Variants in MYO1B observed in about 807,000 individuals in gnomAD.
MYO1B encodes the protein myosin IB, also known as unconventional myosin-Ib.
In MYO1B, 72 loss-of-function variants were observed where a neutral mutation model predicts 159.7. The observed-to-expected ratio is 0.45, with a 90% CI of 0.37 to 0.55. The LOEUF is 0.55. MYO1B is among the 20% of genes least tolerant of loss of function. The probability of loss-of-function intolerance (pLI) is 0.00; values close to 1 mark genes in which losing one functional copy is unlikely to be tolerated. For synonymous variants in MYO1B, 468 were observed against 473.8 expected (o/e 0.99, Z 0.16); for missense variants, 1,062 against 1,364.8 (o/e 0.78, Z 3.50).
At chr2:191,300,638 C>A (rs1392122742) in intron 3 of MYO1B, among the ~76,000 whole-genome samples, 1 of 3,238 alleles carries the variant, frequency 3.1e-4, no homozygotes, top group Non-Finnish European at 7.5e-4. Context: ...CTGTGCGCAG[C>A]CTTTTTTTTT....
At chr2:191,246,873 G>T (rs1343649337) in intron 1 of MYO1B, among the ~76,000 whole-genome samples, 1 of 152,158 alleles carries the variant, frequency 6.6e-6, no homozygotes, top group Non-Finnish European at 1.5e-5. Flanking sequence ...AGCGTTTGGG[G>T]TTTGAACTGA....
At chr2:191,333,037 A>G (rs1223242936) in intron 4 of MYO1B, among the ~76,000 whole-genome samples, 3 of 152,218 alleles carry the variant, frequency 2.0e-5, no homozygotes, top group Non-Finnish European at 4.4e-5. Context: ...TATTTAAGTA[A>G]TTGACAAAAA....
chr2:191,381,976 C>T (rs4853590), intron 14 of MYO1B, among the ~76,000 whole-genome samples: 124,201 of 152,114 alleles, frequency 0.82, 54,548 homozygotes, highest in Non-Finnish European at 0.98. Flanking sequence ...GTAACAGTTA[C>T]TGAGTCCTTA....
chr2:191,345,843 C>A (rs1405327329), intron 5 of MYO1B, among the ~76,000 whole-genome samples: 1 of 152,134 alleles, frequency 6.6e-6, no homozygotes, highest in Admixed American at 6.6e-5. Flanking sequence ...TTCCATAAAG[C>A]CTTTGATAAT....
At chr2:191,391,314 T>A (rs1695736310) in intron 18 of MYO1B, among the ~76,000 whole-genome samples, 1 of 152,214 alleles carries the variant, frequency 6.6e-6, no homozygotes, top group African/African-American at 2.4e-5. Context: ...TACACATTAT[T>A]CTCACTGCAC....
intron 30 of MYO1B, among the ~76,000 whole-genome samples, chr2:191,416,713 C>G (rs956135005): frequency 2.0e-5 from 3 of 151,892 alleles, no homozygotes; most frequent in Non-Finnish European, 2.9e-5. Flanking sequence ...ACTCAAGAGG[C>G]TGAGGCAGGA....
intron 1 of MYO1B, among the ~76,000 whole-genome samples, chr2:191,260,254 C>CTTTTTGTTTTTTTTTTTT (rs1686719699): frequency 1.6e-5 from 1 of 60,960 alleles, no homozygotes. Flanking sequence ...CCCAGATAGG[C>CTTTTTGTTTTTTTTTTTT]TTTTTTTTTT....
intron 1 of MYO1B, among the ~76,000 whole-genome samples, chr2:191,274,628 C>T (rs1227020694): frequency 6.6e-6 from 1 of 152,188 alleles, no homozygotes; most frequent in Non-Finnish European, 1.5e-5. Flanking sequence ...GTGCTTTTGG[C>T]ATTACATGGA....
intron 13 of MYO1B, 177 bp from the exon 14 acceptor site, chr2:191,381,285 C>T (rs1303668826): frequency 4.4e-6 from 3 of 683,078 alleles, no homozygotes; most frequent in Admixed American, 2.1e-5. Flanking sequence ...TACTCATGAC[C>T]CACTCCTCGA....
chr2:191,310,596 T>C (rs4853584), intron 3 of MYO1B, among the ~76,000 whole-genome samples: 80,572 of 152,126 alleles, frequency 0.53, 22,102 homozygotes, highest in East Asian at 0.65. Flanking sequence ...CCCTGAATGT[T>C]AGGAAAGGGA....
chr2:191,406,832 A>G lies in MYO1B; in HGVS notation c.2557-1283A>G, dbSNP rs566200848. On this transcript the variant is annotated intron_variant, in intron 24 of 30. Coordinates refer to ENST00000392318, the MANE Select transcript of MYO1B (RefSeq NM_001130158.3). ...TAAAAACTCAATGTCTGCAAAGTGC[A>G]TTAAAATGAGGTATGCCTGTAAAAA... 3.9e-5 allele frequency among the ~76,000 whole-genome samples: 6 copies of G among 152,370 alleles called. No individual in the cohort carries two copies. In the South Asian group the frequency reaches 1.2e-3, roughly 32 times the overall value.
chr2:191,369,142 G>A (rs112352601), intron 11 of MYO1B, among the ~76,000 whole-genome samples: 9,515 of 152,094 alleles, frequency 0.063, 1,001 homozygotes, highest in African/African-American at 0.22. Context: ...CACATTACGC[G>A]AGCATTTCCA....
chr2:191,331,065 C>G (rs1691440889), intron 4 of MYO1B, among the ~76,000 whole-genome samples: 1 of 152,212 alleles, frequency 6.6e-6, no homozygotes, highest in Non-Finnish European at 1.5e-5. Flanking sequence ...ACTCTTTACT[C>G]CACTTGCCTT....
chr2:191,295,074 TCTTTC>T (rs1272385027), intron 2 of MYO1B, among the ~76,000 whole-genome samples: 2 of 152,190 alleles, frequency 1.3e-5, no homozygotes, highest in Non-Finnish European at 2.9e-5. Context: ...CTTGTTTCTT[TCTTTC>T]CTTTATGAAC....
At chr2:191,309,165 G>A (rs1176403591) in intron 3 of MYO1B, among the ~76,000 whole-genome samples, 2 of 152,142 alleles carry the variant, frequency 1.3e-5, no homozygotes, top group Admixed American at 6.5e-5. Flanking sequence ...ACCTTAGCAC[G>A]CTTCAAACCA....
At chr2:191,347,496 G>A (rs1227109350) in intron 6 of MYO1B, among the ~76,000 whole-genome samples, 1 of 152,194 alleles carries the variant, frequency 6.6e-6, no homozygotes, top group Non-Finnish European at 1.5e-5. Flanking sequence ...TACACACACA[G>A]TATTTAATAT....
At chr2:191,258,384 G>A (rs758238618) in intron 1 of MYO1B, among the ~76,000 whole-genome samples, 1 of 152,210 alleles carries the variant, frequency 6.6e-6, no homozygotes, top group Non-Finnish European at 1.5e-5. Context: ...AAGACCAGAA[G>A]TTGCTCTGGG....
In MYO1B at chr2:191,408,201, C is replaced by CT. The variant is rs756854726; in HGVS notation, c.2631+15dup. On this transcript the variant is annotated intron_variant, in intron 25 of 30. Coordinates refer to ENST00000392318, the MANE Select transcript of MYO1B (RefSeq NM_001130158.3). ...CGCTTCAGAGAATTGTAAGTTGACA[C>CT]TTTATATCTGTGGATAATCAGCATT... 6.3e-7 allele frequency: 1 copy of CT among 1,593,828 alleles called. No individual in the cohort carries two copies. Among genetic ancestry groups the CT allele is most frequent in the Non-Finnish European group, 8.6e-7 (1 of 1,162,076 alleles).
chr2:191,318,924 G>A (rs1559165038), intron 3 of MYO1B, among the ~76,000 whole-genome samples: 1 of 152,144 alleles, frequency 6.6e-6, no homozygotes, highest in Non-Finnish European at 1.5e-5. Flanking sequence ...AAGCATGGCT[G>A]TTTAGTCACT....
Sources: gnomAD v4.1 joint callset for allele counts (sites outside exome capture counted in the v4.1 genomes callset) on GRCh38, gnomAD v4.1.1 for gene constraint, MANE v1.5 for transcripts, NCBI Gene and HGNC (gene_info 2026-07-23, HGNC 2026-07-21) for gene names.